The following RNF212 variants were observed in gnomAD, a reference collection of about 807,000 sequenced individuals.
RNF212 encodes the protein probable E3 SUMO-protein ligase RNF212.
In RNF212, 33 loss-of-function variants were observed where a neutral mutation model predicts 34.7. The ratio of observed to expected loss-of-function variants is 0.95; its 90% confidence interval spans 0.72 to 1.27. The LOEUF (loss-of-function observed/expected upper bound fraction) is 1.27. RNF212 is among the 50% of genes most tolerant of loss of function. RNF212 has a pLI of 0.00. For synonymous variants in RNF212, 140 were observed against 136.1 expected (o/e 1.03, Z -0.20); for missense variants, 377 against 362.2 (o/e 1.04, Z -0.33).
intron 1 of RNF212, 39 bp from the exon 2 acceptor site, chr4:1,108,443 T>G: frequency 1.9e-6 from 2 of 1,079,056 alleles, no homozygotes; most frequent in African/African-American, 1.7e-5. Flanking sequence ...TTAGACTGAC[T>G]ACTACTTTTA....
intron 2 of RNF212, chr4:1,099,791 G>T (rs1230633815): frequency 2.2e-6 from 1 of 456,264 alleles, no homozygotes. Context: ...ATCAACCCTG[G>T]TGCAGAGCAA....
At chr4:1,085,697 A>G (rs1721053271) in intron 5 of RNF212, 199 bp downstream of exon 5, 1 of 595,186 alleles carries the variant, frequency 1.7e-6, no homozygotes, top group East Asian at 2.8e-5. Context: ...TCTCTTTTTC[A>G]CTTTTTCTTT....
At chr4:1,097,238 T>C (rs547665783) in intron 2 of RNF212, among the ~76,000 whole-genome samples, 1 of 152,264 alleles carries the variant, frequency 6.6e-6, no homozygotes, top group East Asian at 1.9e-4. Flanking sequence ...CACCACTATG[T>C]AGTCACAAGT....
chr4:1,059,668 C>A (rs750066240), intron 3 of RNF212, among the ~76,000 whole-genome samples: 3 of 152,254 alleles, frequency 2.0e-5, no homozygotes, highest in Admixed American at 6.5e-5. Flanking sequence ...TCCTCATAGC[C>A]GTTGCCTCCT....
chr4:1,070,637 T>G (rs1718412307), downstream of RNF212, among the ~76,000 whole-genome samples: 1 of 151,916 alleles, frequency 6.6e-6, no homozygotes, highest in South Asian at 2.1e-4. Flanking sequence ...CTGCGCTGTG[T>G]CAGCGTGGAT....
intron 2 of RNF212, among the ~76,000 whole-genome samples, chr4:1,099,505 C>T (rs1312929369): frequency 3.9e-5 from 6 of 151,986 alleles, no homozygotes; most frequent in South Asian, 4.2e-4. Flanking sequence ...AGGAGCGGGG[C>T]GGGGAAGGCC....
At chr4:1,096,950 C>A in intron 2 of RNF212, 111 bp from the exon 3 acceptor site, 2 of 817,576 alleles carry the variant, frequency 2.4e-6, no homozygotes, top group Admixed American at 1.8e-5. Context: ...ACTCAAGTGG[C>A]CAGCACATTG....
chr4:1,059,163 C>T (rs1044427969), intron 3 of RNF212, among the ~76,000 whole-genome samples: 16 of 152,314 alleles, frequency 1.1e-4, no homozygotes, highest in African/African-American at 1.9e-4. Context: ...GGGGGGTTGC[C>T]GGCTTGTGGG....
At chr4:1,068,009 G>GA (rs1421894391), downstream of RNF212, among the ~76,000 whole-genome samples, 1 of 152,124 alleles carries the variant, frequency 6.6e-6, no homozygotes, top group Non-Finnish European at 1.5e-5. Context: ...TCTAAGCACT[G>GA]AGACAGTTAA....
chr4:1,080,649 C>A (rs967629857), intron 7 of RNF212, among the ~76,000 whole-genome samples: 9 of 152,082 alleles, frequency 5.9e-5, no homozygotes, highest in African/African-American at 2.2e-4. Context: ...CTGGATGACG[C>A]CCTGAGCCCC....
intron 2 of RNF212, among the ~76,000 whole-genome samples, chr4:1,097,462 G>A (rs756311759): frequency 8.6e-5 from 13 of 151,992 alleles, no homozygotes; most frequent in Non-Finnish European, 1.6e-4. Context: ...AAAATTAGCC[G>A]GGCGTGGTGA....
intron 3 of RNF212, 159 bp downstream of exon 3, chr4:1,096,606 C>T: frequency 1.0e-5 from 7 of 677,976 alleles, no homozygotes; most frequent in Non-Finnish European, 2.6e-6. Flanking sequence ...GATAGTGCAC[C>T]TGGCTCATCA....
Position 1,072,866 on chromosome 4 carries a change from A to C in RNF212, c.*8T>G, listed in dbSNP as rs1718657008. On this transcript the variant is annotated 3_prime_UTR_variant, in exon 10 of 10. Transcript: ENST00000433731. ...ACTCAGAATCATTAATAGTCACATA[A>C]ATGCAAATCAAAATGACTTTTTCCT... 6.3e-7 allele frequency: 1 copy of C among 1,579,084 alleles called. No individual in the cohort carries two copies. Among genetic ancestry groups the C allele is most frequent in the Admixed American group, 1.9e-5 (1 of 53,830 alleles).
chr4:1,093,385 C>T, intron 3 of RNF212: 4 of 1,033,358 alleles, frequency 3.9e-6, no homozygotes, highest in Admixed American at 3.7e-5. Context: ...TAACAAATGC[C>T]AATATTTATG....
intron 3 of RNF212, chr4:1,093,685 C>G: frequency 6.5e-7 from 1 of 1,536,200 alleles, no homozygotes; most frequent in Non-Finnish European, 8.7e-7. Flanking sequence ...CTGGAGCGCA[C>G]GGCCTGTGGC....
chr4:1,113,565 G>C (rs966306819), upstream of RNF212: 4 of 927,870 alleles, frequency 4.3e-6, no homozygotes, highest in African/African-American at 5.3e-5. Context: ...GCAGCTCTGC[G>C]CCTGCGCAAA....
intron 8 of RNF212, among the ~76,000 whole-genome samples, chr4:1,074,061 A>G (rs1453991530): frequency 4.6e-5 from 7 of 152,170 alleles, no homozygotes; most frequent in African/African-American, 1.7e-4. Context: ...GACAGGTTGG[A>G]GCTAATGCTG....
intron 3 of RNF212, among the ~76,000 whole-genome samples, chr4:1,063,119 T>G (rs1001000221): frequency 3.3e-5 from 5 of 152,196 alleles, no homozygotes; most frequent in African/African-American, 9.6e-5. Flanking sequence ...TAGTATTAGA[T>G]GGCAATACCC....
At chr4:1,059,822 T>TCAC (rs1392177123) in intron 3 of RNF212, among the ~76,000 whole-genome samples, 23 of 152,334 alleles carry the variant, frequency 1.5e-4, no homozygotes, top group African/African-American at 5.5e-4. Context: ...AGGCTGGGTG[T>TCAC]GGTGGCTCAT....
Sources: allele counts gnomAD v4.1 joint callset (sites outside exome capture counted in the v4.1 genomes callset), GRCh38; gene constraint gnomAD v4.1.1; transcripts MANE v1.5; gene names NCBI Gene and HGNC (gene_info 2026-07-23, HGNC 2026-07-21).